EFHB: variants seen among roughly 807,000 people sequenced by gnomAD.
The protein encoded by EFHB is EF-hand domain-containing family member B.
EFHB carries 91 observed loss-of-function variants against 87.2 expected under a neutral mutation model. That is an observed-to-expected ratio of 1.04 (90% CI 0.88 to 1.24). The LOEUF (loss-of-function observed/expected upper bound fraction) is 1.24, where lower values mean the gene tolerates loss of function less well. Among genes scored for constraint, EFHB ranks in the 50% most tolerant of loss-of-function variants. The pLI, the probability that EFHB is intolerant of heterozygous loss-of-function variation, is 0.00. For missense variants in EFHB, 1,084 were observed against 998.8 expected, an observed-to-expected ratio of 1.09 and a Z score of -1.15; for synonymous variants, 325 against 333.6, an observed-to-expected ratio of 0.97 and a Z score of 0.28.
chr3:19,940,222 G>A (rs1696125705), intron 1 of EFHB: 1 of 164,592 alleles, frequency 6.1e-6, no homozygotes, highest in Non-Finnish European at 1.3e-5. Flanking sequence ...GTCCTTCAGT[G>A]TTTTAAGTGT....
intron 1 of EFHB, chr3:19,941,308 C>G (rs781357933): frequency 1.4e-5 from 3 of 214,370 alleles, no homozygotes; most frequent in Non-Finnish European, 2.9e-5. Context: ...GACATTGATT[C>G]ATTCATAGAG....
chr3:19,936,250 T>G (rs1480741905), upstream of EFHB: 1 of 748,144 alleles, frequency 1.3e-6, no homozygotes, highest in Admixed American at 2.0e-5. Flanking sequence ...TCTGAGAGGC[T>G]GAAGTGGGAG....
chr3:19,890,621 C>G (rs1289297068), intron 9 of EFHB, among the ~76,000 whole-genome samples: 5 of 152,176 alleles, frequency 3.3e-5, no homozygotes, highest in Non-Finnish European at 5.9e-5. Flanking sequence ...TTATCCTGAT[C>G]AAGAAGAGCC....
chr3:19,924,154 ATTCT>A (rs1328886894), intron 1 of EFHB, among the ~76,000 whole-genome samples: 20 of 151,466 alleles, frequency 1.3e-4, no homozygotes, highest in Admixed American at 1.1e-3. Flanking sequence ...TAATTTTAGC[ATTCT>A]TTCTATATTT....
chr3:19,886,286 C>T (rs1247610434), intron 10 of EFHB, among the ~76,000 whole-genome samples: 1 of 152,148 alleles, frequency 6.6e-6, no homozygotes, highest in East Asian at 1.9e-4. Flanking sequence ...GGGCTCGCAT[C>T]ATCAAGAGAG....
chr3:19,913,709 G>T (rs930779420), intron 5 of EFHB, among the ~76,000 whole-genome samples: 3 of 152,062 alleles, frequency 2.0e-5, no homozygotes, highest in African/African-American at 7.2e-5. Flanking sequence ...AAGTGTATAT[G>T]AAACCACAAA....
At chr3:19,904,808 T>C (rs893340349) in intron 6 of EFHB, among the ~76,000 whole-genome samples, 5 of 152,176 alleles carry the variant, frequency 3.3e-5, no homozygotes, top group African/African-American at 1.2e-4. Context: ...TATCTTTTTG[T>C]GGAGGGCGGG....
intron 7 of EFHB, among the ~76,000 whole-genome samples, chr3:19,899,122 G>A (rs1485178533): frequency 1.3e-5 from 2 of 152,056 alleles, no homozygotes. Context: ...TAAATAGAGA[G>A]CAAGACAGAC....
chr3:19,916,898 ACTT>A (rs568573946), intron 4 of EFHB, among the ~76,000 whole-genome samples: 62 of 152,340 alleles, frequency 4.1e-4, no homozygotes, highest in African/African-American at 1.4e-3. Context: ...GTAAAGCAGA[ACTT>A]CTTTTTGATA....
At chr3:19,938,519 T>C (rs896074886), upstream of EFHB, among the ~76,000 whole-genome samples, 2 of 152,158 alleles carry the variant, frequency 1.3e-5, no homozygotes, top group African/African-American at 4.8e-5. Context: ...GGGTGGTAGA[T>C]ATATGGGTGT....
chr3:19,883,446 T>C (rs2071731269), intron 11 of EFHB, among the ~76,000 whole-genome samples: 1 of 152,242 alleles, frequency 6.6e-6, no homozygotes. Context: ...GAGAAAAATA[T>C]GTAAATCCTC....
intron 5 of EFHB, among the ~76,000 whole-genome samples, chr3:19,906,722 A>G (rs1196253371): frequency 6.6e-6 from 1 of 151,972 alleles, no homozygotes; most frequent in African/African-American, 2.4e-5. Context: ...TTAAAAATTT[A>G]TATAGAACCA....
chr3:19,905,179 G>A (rs1012706126), intron 6 of EFHB, among the ~76,000 whole-genome samples: 1 of 152,120 alleles, frequency 6.6e-6, no homozygotes, highest in African/African-American at 2.4e-5. Flanking sequence ...TTGAGTCCAG[G>A]AGTTCAAGGT....
chr3:19,929,785 A>C (rs1038622341), intron 1 of EFHB, among the ~76,000 whole-genome samples: 2 of 152,014 alleles, frequency 1.3e-5, no homozygotes, highest in African/African-American at 4.8e-5. Context: ...CTTTGTAGTA[A>C]TAGTTAAATC....
rs776556971 is a variant in EFHB, at chr3:19,888,648, C to T, written c.1729G>A (p.Gly577Arg). Residue 577 changes from glycine (G) to arginine (R), a missense_variant, in exon 10 of 13, where the codon GGA becomes AGA. Coordinates refer to ENST00000295824, the MANE Select transcript of EFHB (RefSeq NM_144715.4). The stretch of plus-strand genomic sequence containing the variant: ...TCGTCTTTATCTATCATCCCATCTC[C>T]CTTCTGTTATACAGGAAGCAAAAGA... ...LAAFRHYDKK[G>R]DGMIDKDELQ... 6 of 1,602,806 alleles carry T rather than the reference C, an allele frequency of 3.7e-6. No homozygotes were observed. The highest frequency in any genetic ancestry group is 2.2e-5 in the East Asian group (1 of 44,744).
chr3:19,920,363 G>T, intron 2 of EFHB, 142 bp downstream of exon 2: 1 of 683,268 alleles, frequency 1.5e-6, no homozygotes, highest in Non-Finnish European at 2.4e-6. Flanking sequence ...AAAATCAATA[G>T]AAGGCCTCAA....
intron 1 of EFHB, among the ~76,000 whole-genome samples, chr3:19,946,666 T>C (rs1696290662): frequency 6.6e-6 from 1 of 152,176 alleles, no homozygotes; most frequent in South Asian, 2.1e-4. Flanking sequence ...AGGGCCATTT[T>C]GTGGGAGGAG....
Position 19,933,594 on chromosome 3 carries a change from C to T in EFHB, c.425G>A (p.Ser142Asn). ...RVCGSSQAAG[S>N]RRAPLASGPE... The stretch of plus-strand genomic sequence containing the variant: ...GCCACTAGCCAAAGGAGCTCTCCTG[C>T]TCCCTGCAGCCTGTGAACTTCCACA... Residue 142 changes from serine to asparagine, a missense_variant, in exon 1 of 13, where the codon AGC becomes AAC. By Grantham distance (46) the Ser-to-Asn change is conservative. Transcript: ENST00000295824. 1 of 1,614,018 alleles carries T rather than the reference C, an allele frequency of 6.2e-7. No homozygotes were observed. Among genetic ancestry groups the T allele is most frequent in the Non-Finnish European group, 8.5e-7 (1 of 1,179,908 alleles).
intron 4 of EFHB, among the ~76,000 whole-genome samples, 170 bp downstream of exon 4, chr3:19,918,062 G>A (rs907365235): frequency 4.6e-5 from 7 of 152,066 alleles, no homozygotes; most frequent in East Asian, 3.8e-4. Context: ...ATACATACAC[G>A]TCAAGGATTT....
Sources: gnomAD v4.1 joint callset for allele counts (sites outside exome capture counted in the v4.1 genomes callset) on GRCh38, gnomAD v4.1.1 for gene constraint, MANE v1.5 for transcripts, NCBI Gene and HGNC (gene_info 2026-07-23, HGNC 2026-07-21) for gene names.